The following ARHGEF26 variants were observed in gnomAD, a reference collection of about 807,000 sequenced individuals.
ARHGEF26 encodes the protein Rho guanine nucleotide exchange factor (GEF) 26.
In ARHGEF26, 59 loss-of-function variants were observed where a neutral mutation model predicts 89.4. The ratio of observed to expected loss-of-function variants is 0.66; its 90% CI spans 0.54 to 0.82. The LOEUF is 0.82. Ranked by LOEUF, ARHGEF26 falls within the 40% of genes least tolerant of loss-of-function variation. The pLI is 0.00. For synonymous variants in ARHGEF26, 500 were observed against 428.4 expected, an observed-to-expected ratio of 1.17 and a Z score of -2.06; for missense variants, 1,234 against 1,085.6, an observed-to-expected ratio of 1.14 and a Z score of -1.92.
At chr3:154,255,254 T>C in intron 14 of ARHGEF26, 77 bp from the exon 15 acceptor site, 2 of 1,487,838 alleles carry the variant, frequency 1.3e-6, no homozygotes, top group Admixed American at 2.0e-5. Flanking sequence ...ATGCTGCCTC[T>C]CAGCTTTTTC....
chr3:154,207,023 A>G (rs1715057489), intron 9 of ARHGEF26, among the ~76,000 whole-genome samples: 1 of 152,192 alleles, frequency 6.6e-6, no homozygotes, highest in South Asian at 2.1e-4. Flanking sequence ...AGGATTTCCT[A>G]TTAAATAAAT....
Position 154,227,287 on chromosome 3 carries a change from T to G in ARHGEF26, c.2090+1277T>G, listed in dbSNP as rs534428474. Among the ~76,000 whole-genome samples, 5 of 127,816 alleles carry G rather than the reference T, an allele frequency of 3.9e-5. No homozygotes were observed. The South Asian group carries it at 1.4e-3, about 35-fold the overall frequency. The allele number at this position is 127,816 out of a possible 152,430, so 83.9% of individuals were successfully genotyped here. On this transcript the variant is annotated intron_variant, in intron 11 of 14. Transcript: ENST00000465093. ...AGTCTAAATAGTTCTAGCAGCTAAG[T>G]AAAAATTTTTTTTTTTTTTTTTTTT...
intron 9 of ARHGEF26, among the ~76,000 whole-genome samples, chr3:154,216,539 AT>A (rs1344136986): frequency 2.1e-5 from 2 of 95,058 alleles, no homozygotes; most frequent in Non-Finnish European, 4.5e-5. Flanking sequence ...CAAAATATTT[AT>A]TTTTTTATTA....
intron 12 of ARHGEF26, among the ~76,000 whole-genome samples, chr3:154,243,380 T>G (rs989100498): frequency 6.6e-6 from 1 of 152,200 alleles, no homozygotes; most frequent in Non-Finnish European, 1.5e-5. Flanking sequence ...CAACAGAGAT[T>G]TTCCTGACTG....
intron 11 of ARHGEF26, among the ~76,000 whole-genome samples, chr3:154,234,358 C>G (rs185743264): frequency 2.0e-4 from 31 of 152,234 alleles, no homozygotes; most frequent in African/African-American, 6.5e-4. Flanking sequence ...AAGATGAGAA[C>G]TTGCCCTAAG....
intron 7 of ARHGEF26, among the ~76,000 whole-genome samples, chr3:154,190,407 G>T (rs1713883088): frequency 6.6e-6 from 1 of 152,180 alleles, no homozygotes; most frequent in Non-Finnish European, 1.5e-5. Flanking sequence ...TACTTGTGAG[G>T]CTGAGGCATA....
At chr3:154,182,751 C>G (rs1713265280) in intron 6 of ARHGEF26, among the ~76,000 whole-genome samples, 2 of 152,180 alleles carry the variant, frequency 1.3e-5, no homozygotes, top group Admixed American at 6.5e-5. Context: ...TGTTTTGGTT[C>G]AAGCACAGGG....
intron 6 of ARHGEF26, among the ~76,000 whole-genome samples, chr3:154,186,524 G>T (rs2108174420): frequency 6.6e-6 from 1 of 152,176 alleles, no homozygotes. Context: ...ACTTCGGGAA[G>T]CCAAGGTGGG....
At chr3:154,175,678 A>C (rs1258680797) in intron 6 of ARHGEF26, among the ~76,000 whole-genome samples, 1 of 152,198 alleles carries the variant, frequency 6.6e-6, no homozygotes, top group Non-Finnish European at 1.5e-5. Flanking sequence ...TGTTTCAGAG[A>C]CCACTTTCCA....
Position 154,256,804 on chromosome 3 carries a change from A to ATT in ARHGEF26, c.*1331_*1332insTT. On this transcript the variant is annotated 3_prime_UTR_variant, in exon 15 of 15. Transcript: ENST00000465093. The stretch of plus-strand genomic sequence containing the variant: ...TCATTCTATTTGCACTAAAAGCCTT[A>ATT]ACTTGCTGTATTCAGAGTCCCTCTT... 6.6e-7 allele frequency: 1 copy of ATT among 1,503,780 alleles called. No individual in the cohort carries two copies. Among genetic ancestry groups the ATT allele is most frequent in the South Asian group, 1.3e-5 (1 of 77,766 alleles). The allele number at this position is 1,503,780 out of a possible 1,614,324, so 93.2% of individuals were successfully genotyped here.
At chr3:154,235,057 T>C (rs930069483) in intron 11 of ARHGEF26, among the ~76,000 whole-genome samples, 13 of 152,188 alleles carry the variant, frequency 8.5e-5, no homozygotes, top group African/African-American at 3.1e-4. Context: ...GGCTAGTTTA[T>C]TCTTTTTTTT....
intron 7 of ARHGEF26, among the ~76,000 whole-genome samples, chr3:154,188,641 T>A (rs952311129): frequency 1.8e-4 from 28 of 152,236 alleles, no homozygotes; most frequent in Middle Eastern, 3.4e-3. Flanking sequence ...CCCCCTCCTG[T>A]GAGTTGTGGC....
At chr3:154,140,630 G>A (rs1719308011) in intron 4 of ARHGEF26, among the ~76,000 whole-genome samples, 1 of 149,348 alleles carries the variant, frequency 6.7e-6, no homozygotes, top group African/African-American at 2.5e-5. Flanking sequence ...TGTTGCCCAG[G>A]CTGGAGTGCA....
chr3:154,145,440 G>T (rs1469483093), intron 4 of ARHGEF26, among the ~76,000 whole-genome samples: 1 of 152,130 alleles, frequency 6.6e-6, no homozygotes, highest in African/African-American at 2.4e-5. Flanking sequence ...TCAGCAAATG[G>T]GTAAACTCCA....
At chr3:154,130,483 C>T (rs549274066) in intron 4 of ARHGEF26, among the ~76,000 whole-genome samples, 1 of 152,204 alleles carries the variant, frequency 6.6e-6, no homozygotes, top group South Asian at 2.1e-4. Flanking sequence ...TTTATATATT[C>T]TTAAAGCTGA....
At chr3:154,128,662 G>A (rs1718484666) in intron 3 of ARHGEF26, among the ~76,000 whole-genome samples, 1 of 152,182 alleles carries the variant, frequency 6.6e-6, no homozygotes, top group Admixed American at 6.5e-5. Flanking sequence ...CTTTGCACTT[G>A]CTGTGTCCCT....
At position 154,122,769 on chromosome 3, in the gene ARHGEF26, TA is replaced by T; in HGVS notation, c.781del (p.Ile261Ter). The T allele has an allele frequency of 6.2e-7, 1 of 1,610,682 alleles. No individual in the cohort carries two copies. The highest frequency in any genetic ancestry group is 8.5e-7 in the Non-Finnish European group (1 of 1,178,378). On this transcript the variant is annotated frameshift_variant, in exon 2 of 15. Transcript: ENST00000465093. LOFTEE classifies it high-confidence loss of function. ...IIPKSLASEI[K>X]ISKSNNQNVE... is the part of the protein sequence containing the mutation. ...TTCCGAAGAGTCTGGCCTCGGAAAT[TA>T]AAATAAGTAAATCCAACAATCAAAA...
intron 11 of ARHGEF26, among the ~76,000 whole-genome samples, chr3:154,226,318 G>A (rs1716487009): frequency 6.6e-6 from 1 of 152,062 alleles, no homozygotes; most frequent in African/African-American, 2.4e-5. Context: ...CTCATTCTGT[G>A]TTTTTCAGAC....
At chr3:154,187,379 G>C in intron 6 of ARHGEF26, among the ~76,000 whole-genome samples, 1 of 103,130 alleles carries the variant, frequency 9.7e-6, no homozygotes, top group East Asian at 2.5e-4. Flanking sequence ...GCAATAACTT[G>C]ATTTTTTTTT....
Sources: gnomAD v4.1 joint callset for allele counts (sites outside exome capture counted in the v4.1 genomes callset) on GRCh38, gnomAD v4.1.1 for gene constraint, MANE v1.5 for transcripts, NCBI Gene and HGNC (gene_info 2026-07-23, HGNC 2026-07-21) for gene names.